Variants in PDE7B observed in about 807,000 individuals in gnomAD.
PDE7B encodes phosphodiesterase 7B.
PDE7B carries 29 observed loss-of-function variants against 56.2 expected under a neutral mutation model. That is an observed-to-expected ratio of 0.52 (90% CI 0.38 to 0.70). The LOEUF (loss-of-function observed/expected upper bound fraction) is 0.70. PDE7B is among the 30% of genes least tolerant of loss of function. PDE7B has a pLI of 0.00. For missense variants in PDE7B, 490 were observed against 565.0 expected (o/e 0.87, Z 1.35); for synonymous variants, 197 against 196.9 (o/e 1.00, Z 0.00).
intron 1 of PDE7B, among the ~76,000 whole-genome samples, chr6:135,855,984 T>C (rs748138339): frequency 6.6e-6 from 1 of 152,226 alleles, no homozygotes; most frequent in African/African-American, 2.4e-5. Flanking sequence ...ATGCCCTTTT[T>C]CTTTCCAAAT....
At chr6:136,113,394 A>G (rs1353130929) in intron 3 of PDE7B, among the ~76,000 whole-genome samples, 1 of 152,236 alleles carries the variant, frequency 6.6e-6, no homozygotes, top group Non-Finnish European at 1.5e-5. Flanking sequence ...ACACTCATTA[A>G]AAGCTAATTT....
chr6:135,933,691 TATCAG>T (rs1774333709), intron 1 of PDE7B, among the ~76,000 whole-genome samples: 2 of 151,490 alleles, frequency 1.3e-5, no homozygotes, highest in Admixed American at 1.3e-4. Context: ...GTTTGCTAAC[TATCAG>T]TTAAATGATA....
At chr6:136,139,483 C>T (rs1778278405) in intron 3 of PDE7B, among the ~76,000 whole-genome samples, 1 of 152,064 alleles carries the variant, frequency 6.6e-6, no homozygotes, top group Non-Finnish European at 1.5e-5. Flanking sequence ...GGGTATATAC[C>T]CGGTAATGGG....
chr6:136,046,569 C>T (rs1459696484), intron 2 of PDE7B, among the ~76,000 whole-genome samples: 1 of 152,178 alleles, frequency 6.6e-6, no homozygotes, highest in African/African-American at 2.4e-5. Flanking sequence ...AGGTGCCAAC[C>T]TCAGAGGGAG....
At chr6:136,139,231 G>A (rs1259219203) in intron 3 of PDE7B, among the ~76,000 whole-genome samples, 1 of 152,094 alleles carries the variant, frequency 6.6e-6, no homozygotes, top group African/African-American at 2.4e-5. Context: ...TTGGTCTTTT[G>A]TCCTTGCAAT....
intron 2 of PDE7B, among the ~76,000 whole-genome samples, chr6:135,966,983 C>A (rs1775006638): frequency 6.6e-6 from 1 of 152,108 alleles, no homozygotes; most frequent in African/African-American, 2.4e-5. Context: ...TACAGTCAGC[C>A]CCCTCTGCTC....
chr6:135,921,035 A>G (rs552413037), intron 1 of PDE7B, among the ~76,000 whole-genome samples: 1 of 152,316 alleles, frequency 6.6e-6, no homozygotes, highest in South Asian at 2.1e-4. Context: ...AATAGAGGGT[A>G]AGACAGAAAG....
chr6:135,983,659 T>G (rs1011879227), intron 2 of PDE7B, among the ~76,000 whole-genome samples: 4 of 152,212 alleles, frequency 2.6e-5, no homozygotes, highest in Admixed American at 1.3e-4. Flanking sequence ...GAGCATTTAT[T>G]GAAAATACTC....
chr6:136,104,766 C>G (rs531960560), intron 2 of PDE7B, among the ~76,000 whole-genome samples: 1 of 152,262 alleles, frequency 6.6e-6, no homozygotes, highest in African/African-American at 2.4e-5. Context: ...ATTGTCCTGC[C>G]TCCTGCCTTA....
chr6:136,073,125 G>A (rs141973721), intron 2 of PDE7B, among the ~76,000 whole-genome samples: 13 of 152,150 alleles, frequency 8.5e-5, no homozygotes, highest in Non-Finnish European at 1.5e-5. Context: ...GCGTCGGCAG[G>A]GATGGCCATG....
chr6:136,078,815 C>T (rs1414862256), intron 2 of PDE7B, among the ~76,000 whole-genome samples: 1 of 151,962 alleles, frequency 6.6e-6, no homozygotes, highest in Non-Finnish European at 1.5e-5. Context: ...ATAAAATAGC[C>T]TTATAATTTA....
chr6:136,051,916 C>T (rs1159472664), intron 2 of PDE7B, among the ~76,000 whole-genome samples: 2 of 152,094 alleles, frequency 1.3e-5, no homozygotes, highest in African/African-American at 4.8e-5. Context: ...ATTTTCCTAA[C>T]TTCAGAACCA....
intron 2 of PDE7B, among the ~76,000 whole-genome samples, chr6:136,005,757 G>A (rs949765446): frequency 5.3e-5 from 8 of 152,122 alleles, no homozygotes; most frequent in Non-Finnish European, 1.5e-5. Flanking sequence ...ACTGTTGGTG[G>A]GACTCTAAAC....
intron 8 of PDE7B, among the ~76,000 whole-genome samples, chr6:136,168,384 G>C (rs559236640): frequency 7.6e-4 from 116 of 152,260 alleles, no homozygotes; most frequent in Non-Finnish European, 1.5e-3. Flanking sequence ...TGGGGCAGGT[G>C]GATAGCATGA....
chr6:136,141,863 C>T (rs1778332741), intron 3 of PDE7B, among the ~76,000 whole-genome samples: 1 of 150,898 alleles, frequency 6.6e-6, no homozygotes, highest in South Asian at 2.1e-4. Flanking sequence ...TCTTATTCGT[C>T]TTGCGAGCAG....
intron 1 of PDE7B, among the ~76,000 whole-genome samples, chr6:135,902,462 T>G (rs1460061542): frequency 1.3e-5 from 2 of 152,064 alleles, no homozygotes; most frequent in African/African-American, 4.8e-5. Flanking sequence ...AAAATCTCCT[T>G]TTTACACATC....
intron 2 of PDE7B, among the ~76,000 whole-genome samples, chr6:136,105,501 A>G (rs953395371): frequency 3.0e-4 from 45 of 152,176 alleles, no homozygotes; most frequent in African/African-American, 1.1e-3. Context: ...TAATAATAAC[A>G]GCTACTTTGG....
intron 2 of PDE7B, among the ~76,000 whole-genome samples, chr6:136,012,332 A>G (rs952318811): frequency 1.3e-5 from 2 of 151,960 alleles, no homozygotes; most frequent in Admixed American, 6.6e-5. Flanking sequence ...TTTAGATCCT[A>G]CTCTTTATCA....
intron 2 of PDE7B, among the ~76,000 whole-genome samples, chr6:136,013,304 A>G (rs1186314260): frequency 2.0e-5 from 3 of 152,202 alleles, no homozygotes; most frequent in Admixed American, 6.5e-5. Context: ...TCTTTTCACC[A>G]GTTCTTTTGT....
Sources: allele counts gnomAD v4.1 joint callset (sites outside exome capture counted in the v4.1 genomes callset), GRCh38; gene constraint gnomAD v4.1.1; transcripts MANE v1.5; gene names NCBI Gene and HGNC (gene_info 2026-07-23, HGNC 2026-07-21).